PDE1A: variants seen among roughly 807,000 people sequenced by gnomAD.
PDE1A encodes phosphodiesterase 1A.
PDE1A carries 35 observed loss-of-function variants against 61.7 expected under a neutral mutation model. The ratio of observed to expected loss-of-function variants is 0.57; its 90% confidence interval spans 0.43 to 0.75. The LOEUF (loss-of-function observed/expected upper bound fraction) is 0.75. Ranked by LOEUF, PDE1A falls within the 30% of genes least tolerant of loss-of-function variation. The pLI is 0.00. For synonymous variants in PDE1A, 232 were observed against 213.2 expected, an observed-to-expected ratio of 1.09 and a Z score of -0.77; for missense variants, 597 against 630.6, an observed-to-expected ratio of 0.95 and a Z score of 0.57.
chr2:182,532,993 TA>T, the PDE1A span, among the ~76,000 whole-genome samples: 6 of 127,042 alleles, frequency 4.7e-5, no homozygotes, highest in Non-Finnish European at 1.0e-4. Flanking sequence ...TTGTATTATG[TA>T]AATTATACCT....
At chr2:182,439,827 C>T (rs1474179822) in intron 2 of PDE1A, among the ~76,000 whole-genome samples, 2 of 152,028 alleles carry the variant, frequency 1.3e-5, no homozygotes, top group Non-Finnish European at 2.9e-5. Context: ...TATTTGAAGT[C>T]ACAGAAAAAG....
intron 1 of PDE1A, among the ~76,000 whole-genome samples, chr2:182,294,290 T>A (rs776177615): frequency 2.6e-5 from 4 of 152,240 alleles, no homozygotes; most frequent in Non-Finnish European, 5.9e-5. Context: ...GAGCAATTAA[T>A]CTGGGCTCAT....
At chr2:182,475,548 T>C (rs1013272294) in intron 2 of PDE1A, among the ~76,000 whole-genome samples, 2 of 151,974 alleles carry the variant, frequency 1.3e-5, no homozygotes, top group East Asian at 3.9e-4. Context: ...ACTTTAATAG[T>C]TTGTTATTAC....
Position 182,202,879 on chromosome 2 carries a change from C to T in PDE1A, c.903-1090G>A, listed in dbSNP as rs565798956. On this transcript the variant is annotated intron_variant, in intron 8 of 13. Coordinates refer to ENST00000351439, the Ensembl canonical transcript of PDE1A. ...AGATAAGTTAAAAAAGTCACTTGTACTGGAAAACATATTTCATTTTCATTG... is the reference window on the plus strand; with the variant it reads ...AGATAAGTTAAAAAAGTCACTTGTATTGGAAAACATATTTCATTTTCATTG... Among the ~76,000 whole-genome samples, 3 of 152,284 alleles carry T rather than the reference C, an allele frequency of 2.0e-5. No homozygotes were observed. In the South Asian group the frequency reaches 6.2e-4, roughly 32 times the overall value.
chr2:182,229,082 A>T (rs944150922), intron 6 of PDE1A, among the ~76,000 whole-genome samples: 3 of 152,038 alleles, frequency 2.0e-5, no homozygotes, highest in African/African-American at 7.2e-5. Flanking sequence ...GATTTTCTCT[A>T]TTTACCAATT....
intron 10 of PDE1A, 116 bp downstream of exon 10, chr2:182,201,323 A>T (rs752828714): frequency 3.2e-6 from 4 of 1,266,596 alleles, no homozygotes; most frequent in Non-Finnish European, 4.4e-6. Flanking sequence ...AAGAATGTGT[A>T]GGTGGCCAGT....
the PDE1A span, among the ~76,000 whole-genome samples, chr2:182,555,882 G>A: frequency 1.4e-5 from 2 of 144,246 alleles, no homozygotes; most frequent in South Asian, 2.2e-4. Context: ...CAGGAGAATC[G>A]CTTGGACCCG....
At chr2:182,147,285 T>C in intron 13 of PDE1A, 133 bp from the exon 14 acceptor site, 1 of 529,666 alleles carries the variant, frequency 1.9e-6, no homozygotes, top group South Asian at 2.9e-5. Flanking sequence ...GGCACATTTT[T>C]TCAAAGACAC....
At chr2:182,424,769 C>T (rs530530685) in intron 1 of PDE1A, among the ~76,000 whole-genome samples, 127 of 152,248 alleles carry the variant, frequency 8.3e-4, no homozygotes, top group African/African-American at 2.9e-3. Context: ...ACAATCATAA[C>T]CTGGTAAAAG....
upstream of PDE1A, among the ~76,000 whole-genome samples, chr2:182,526,327 A>G (rs1690773779): frequency 6.6e-6 from 1 of 152,192 alleles, no homozygotes; most frequent in Non-Finnish European, 1.5e-5. Context: ...CAGGGACAAA[A>G]AAATTAGAAT....
chr2:182,355,276 A>T (rs1699114046), intron 1 of PDE1A, among the ~76,000 whole-genome samples: 2 of 152,162 alleles, frequency 1.3e-5, no homozygotes, highest in South Asian at 4.1e-4. Context: ...CCCTATCAAC[A>T]GTTAAAAACA....
intron 1 of PDE1A, among the ~76,000 whole-genome samples, chr2:182,345,572 C>T (rs1698471063): frequency 6.6e-6 from 1 of 152,104 alleles, no homozygotes; most frequent in South Asian, 2.1e-4. Flanking sequence ...TACAGACCTC[C>T]TCTCCTCCCA....
the PDE1A span, among the ~76,000 whole-genome samples, chr2:182,555,965 C>CAAAAAAAAAAAAAAAAAAAAAAAAAA: frequency 1.9e-4 from 9 of 48,438 alleles, no homozygotes; most frequent in Non-Finnish European, 2.0e-4. Context: ...AACTCCATCT[C>CAAAAAAAAAAAAAAAAAAAAAAAAAA]AAAAAAAAAA....
intron 1 of PDE1A, among the ~76,000 whole-genome samples, chr2:182,268,215 G>A (rs866597201): frequency 1.1e-4 from 17 of 151,916 alleles, no homozygotes; most frequent in Non-Finnish European, 2.5e-4. Flanking sequence ...GGATGAGGAC[G>A]GCTACTGTGT....
At position 182,179,868 on chromosome 2, in the gene PDE1A, T is replaced by A. The variant is rs1684602698; in HGVS notation, c.1516+6024A>T. On this transcript the variant is annotated intron_variant, in intron 13 of 13. Transcript: ENST00000351439. ...TGAAGTAGATAATAAAAATGAAGCATAATAGGTCAACAGTCTCTCCCTGCT... is the reference window on the plus strand; with the variant it reads ...TGAAGTAGATAATAAAAATGAAGCAAAATAGGTCAACAGTCTCTCCCTGCT... 3.9e-5 allele frequency among the ~76,000 whole-genome samples: 6 copies of A among 152,294 alleles called. No homozygotes were observed. In the South Asian group the frequency reaches 1.2e-3, roughly 32 times the overall value.
At chr2:182,631,695 C>T in the PDE1A span, among the ~76,000 whole-genome samples, 256 of 152,304 alleles carry the variant, frequency 1.7e-3, 1 homozygote, top group African/African-American at 5.9e-3. Flanking sequence ...CAGGCATTAA[C>T]GTAGTTAAAA....
rs200928739 is a variant in PDE1A at position 182,306,925 on chromosome 2, C to T, written c.54-42511G>A. Reference sequence around the variant, plus strand: ...TTAGATATGACCCCAAAAGCTCATGCAACAAAAGCAAAAGTAGATAAACGG... The same window carrying T: ...TTAGATATGACCCCAAAAGCTCATGTAACAAAAGCAAAAGTAGATAAACGG... On this transcript the variant is annotated intron_variant, in intron 1 of 13. Transcript: ENST00000351439. Among the ~76,000 whole-genome samples the T allele has an allele frequency of 1.1e-4, 16 of 152,158 alleles. No individual in the cohort carries two copies. In the East Asian group the frequency reaches 3.1e-3, roughly 29 times the overall value.
chr2:182,428,278 A>G (rs1703739868), upstream of PDE1A, among the ~76,000 whole-genome samples: 1 of 152,100 alleles, frequency 6.6e-6, no homozygotes, highest in Admixed American at 6.6e-5. Flanking sequence ...ATTGAATTCT[A>G]TATTTCTTTC....
intron 2 of PDE1A, among the ~76,000 whole-genome samples, chr2:182,495,091 C>A (rs554896717): frequency 6.6e-6 from 1 of 152,242 alleles, no homozygotes; most frequent in East Asian, 1.9e-4. Flanking sequence ...TGAATTGGTC[C>A]AGGCTGACTT....
Sources: gnomAD v4.1 joint callset for allele counts (sites outside exome capture counted in the v4.1 genomes callset) on GRCh38, gnomAD v4.1.1 for gene constraint, MANE v1.5 for transcripts, NCBI Gene and HGNC (gene_info 2026-07-23, HGNC 2026-07-21) for gene names.